TRIP12: variants seen among roughly 807,000 people sequenced by gnomAD.
TRIP12 encodes the protein thyroid hormone receptor interactor 12.
A neutral mutation model predicts 244.2 loss-of-function variants in TRIP12; 25 were observed. The ratio of observed to expected loss-of-function variants is 0.10; its 90% CI spans 0.07 to 0.14. The LOEUF is 0.14. Ranked by LOEUF, TRIP12 falls within the 10% of genes least tolerant of loss-of-function variation. The pLI is 1.00. For missense variants in TRIP12, 1,677 were observed against 2,486.4 expected (o/e 0.67, Z 6.92); for synonymous variants, 905 against 873.1 (o/e 1.04, Z -0.64).
chr2:229,811,919 C>G (rs1283123190), intron 13 of TRIP12, among the ~76,000 whole-genome samples: 1 of 152,128 alleles, frequency 6.6e-6, no homozygotes, highest in Non-Finnish European at 1.5e-5. Flanking sequence ...ATAGCCTAAA[C>G]CTTCACTGAC....
intron 8 of TRIP12, among the ~76,000 whole-genome samples, chr2:229,819,891 G>A (rs2049576491): frequency 6.6e-6 from 1 of 152,190 alleles, no homozygotes; most frequent in Non-Finnish European, 1.5e-5. Context: ...GCAATCAATG[G>A]AAGTTGTTTT....
chr2:229,772,375 T>C (rs1040892346), intron 38 of TRIP12, among the ~76,000 whole-genome samples: 2 of 152,212 alleles, frequency 1.3e-5, no homozygotes, highest in Non-Finnish European at 2.9e-5. Flanking sequence ...ACAAAGTCAG[T>C]AGAAGAAACA....
Position 229,813,968 on chromosome 2 carries a change from A to C in TRIP12, c.1888T>G (p.Leu630Val). The change falls in exon 13 of 42, where the codon TTA becomes GTA. Residue 630 changes from leucine (L) to valine (V), a missense_variant. This residue lies in a region of TRIP12 where 572 missense variants were observed against 867.8 expected (regional missense o/e 0.66). Transcript: ENST00000675903. ...TGGCAGCAATTAGCTGCAATTGCTA[A>C]TGCATTTCTTTGGGCATTTATGCTG... ...FFSINAQRNA[L>V]AIAANCCQSI... 1 of 1,599,120 alleles carries C rather than the reference A, an allele frequency of 6.3e-7. No individual in the cohort carries two copies. Among genetic ancestry groups the C allele is most frequent in the Non-Finnish European group, 8.6e-7 (1 of 1,168,074 alleles).
intron 1 of TRIP12, among the ~76,000 whole-genome samples, chr2:229,905,944 T>C (rs2072623746): frequency 6.6e-6 from 1 of 152,202 alleles, no homozygotes; most frequent in Non-Finnish European, 1.5e-5. Context: ...CACAAAACAT[T>C]ACAGTGCATT....
At chr2:229,885,228 A>AC (rs1172392246) in intron 1 of TRIP12, among the ~76,000 whole-genome samples, 1 of 152,064 alleles carries the variant, frequency 6.6e-6, no homozygotes, top group Non-Finnish European at 1.5e-5. Context: ...TCCAGTATGT[A>AC]CCCCCCTAAT....
chr2:229,797,880 G>A (rs1229847916), intron 23 of TRIP12, 49 bp from the exon 24 acceptor site: 4 of 1,576,838 alleles, frequency 2.5e-6, no homozygotes, highest in Non-Finnish European at 3.5e-6. Flanking sequence ...ATGTAGAAAG[G>A]ATATAACTTC....
chr2:229,839,418 TTGTAA>T (rs1384910605), intron 5 of TRIP12, among the ~76,000 whole-genome samples: 1 of 151,940 alleles, frequency 6.6e-6, no homozygotes, highest in Non-Finnish European at 1.5e-5. Context: ...TGGCTCACGC[TTGTAA>T]TCCCAGCACT....
At chr2:229,868,058 A>C (rs957690983) in intron 2 of TRIP12, among the ~76,000 whole-genome samples, 19 of 152,212 alleles carry the variant, frequency 1.2e-4, no homozygotes, top group African/African-American at 4.6e-4. Context: ...CTGATGGGAC[A>C]GACTAGTTTC....
upstream of TRIP12, among the ~76,000 whole-genome samples, chr2:229,922,763 C>T (rs775311980): frequency 2.6e-4 from 40 of 152,232 alleles, no homozygotes; most frequent in Non-Finnish European, 4.9e-4. Flanking sequence ...GTCACCTCGG[C>T]CTCCTCGGTC....
At chr2:229,899,380 A>G (rs2069922778) in intron 1 of TRIP12, among the ~76,000 whole-genome samples, 1 of 152,240 alleles carries the variant, frequency 6.6e-6, no homozygotes, top group African/African-American at 2.4e-5. Context: ...AAAAAAAATC[A>G]GGAAAACCAG....
chr2:229,797,639 G>C, intron 24 of TRIP12, 51 bp downstream of exon 24: 2 of 1,594,290 alleles, frequency 1.3e-6, no homozygotes, highest in Non-Finnish European at 1.7e-6. Context: ...AGTAGCAGGA[G>C]ATGCTGGGAA....
Position 229,798,883 on chromosome 2 carries a change from G to A in TRIP12, c.3474C>T (p.Ser1158=), listed in dbSNP as rs770193257. ...AACTCCCCCCACTTCACCTATTATT[G>A]GAGATGGTATCCTTTGAGGCAGCCC... ...LARAASKDTI[S]NNREKIKGWI... The change falls in exon 23 of 42, where the codon TCC becomes TCT. Residue 1158 remains serine, a synonymous_variant. Coordinates refer to ENST00000675903, the MANE Select transcript of TRIP12 (RefSeq NM_001348323.3). The A allele has an allele frequency of 4.3e-6, 7 of 1,612,610 alleles. No homozygotes were observed. The highest frequency in any genetic ancestry group is 4.2e-6 in the Non-Finnish European group (5 of 1,179,646).
At chr2:229,812,504 C>A (rs1455994251) in intron 13 of TRIP12, among the ~76,000 whole-genome samples, 1 of 152,190 alleles carries the variant, frequency 6.6e-6, no homozygotes, top group Non-Finnish European at 1.5e-5. Flanking sequence ...ACTATTTTAT[C>A]TTACATAAAT....
chr2:229,877,674 A>G (rs193150897), intron 2 of TRIP12, among the ~76,000 whole-genome samples: 125 of 152,360 alleles, frequency 8.2e-4, no homozygotes, highest in Non-Finnish European at 1.2e-3. Flanking sequence ...AAGAGTCCCA[A>G]TGCAACCTGA....
At chr2:229,898,606 T>C (rs560625966) in intron 1 of TRIP12, among the ~76,000 whole-genome samples, 1 of 152,178 alleles carries the variant, frequency 6.6e-6, no homozygotes, top group African/African-American at 2.4e-5. Flanking sequence ...TTATACTATA[T>C]ACAGTAATAA....
At chr2:229,822,940 A>G (rs879524395) in intron 8 of TRIP12, among the ~76,000 whole-genome samples, 2 of 152,254 alleles carry the variant, frequency 1.3e-5, no homozygotes, top group Non-Finnish European at 2.9e-5. Context: ...GACGGGTTTA[A>G]CAAAAGATTG....
chr2:229,916,311 T>C (rs2075363355), intron 1 of TRIP12, among the ~76,000 whole-genome samples: 1 of 152,240 alleles, frequency 6.6e-6, no homozygotes, highest in Admixed American at 6.5e-5. Context: ...TCAAATCAGA[T>C]AATCACTTGA....
At chr2:229,878,365 G>A (rs1221030580) in intron 2 of TRIP12, among the ~76,000 whole-genome samples, 2 of 150,924 alleles carry the variant, frequency 1.3e-5, no homozygotes, top group Non-Finnish European at 1.5e-5. Flanking sequence ...CAGGAGAATC[G>A]CTTGAACCCG....
At chr2:229,922,588 G>A, upstream of TRIP12, 1 of 1,614,096 alleles carries the variant, frequency 6.2e-7, no homozygotes, top group Non-Finnish European at 8.5e-7. Context: ...ACTATTACCA[G>A]TTACTGGTCA....
Sources: allele counts gnomAD v4.1 joint callset (sites outside exome capture counted in the v4.1 genomes callset), GRCh38; gene constraint gnomAD v4.1.1; regional missense constraint gnomAD v4.1.1; transcripts MANE v1.5; gene names NCBI Gene and HGNC (gene_info 2026-07-23, HGNC 2026-07-21).